The following TANC1 variants were observed in gnomAD, a reference collection of about 807,000 sequenced individuals.
The protein encoded by TANC1 is tetratricopeptide repeat, ankyrin repeat and coiled-coil containing 1.
Under a neutral mutation model 149.7 loss-of-function variants are expected in TANC1, and 77 were observed. The ratio of observed to expected loss-of-function variants is 0.51; its 90% CI spans 0.43 to 0.62. The LOEUF (loss-of-function observed/expected upper bound fraction) is 0.62, where lower values mean the gene tolerates loss of function less well. TANC1 is among the 20% of genes least tolerant of loss of function. The pLI, the probability that TANC1 is intolerant of heterozygous loss-of-function variation, is 0.00. For missense variants in TANC1, 1,985 were observed against 2,321.8 expected (o/e 0.85, Z 2.98); for synonymous variants, 854 against 925.0 (o/e 0.92, Z 1.39).
At chr2:158,992,683 T>G in intron 1 of TANC1, among the ~76,000 whole-genome samples, 1 of 88,996 alleles carries the variant, frequency 1.1e-5, no homozygotes, top group African/African-American at 3.7e-5. Flanking sequence ...TTTTTTTTTT[T>G]TTTTTTTTTT....
At chr2:159,128,042 A>T (rs1448951974) in intron 4 of TANC1, among the ~76,000 whole-genome samples, 1 of 152,246 alleles carries the variant, frequency 6.6e-6, no homozygotes, top group African/African-American at 2.4e-5. Flanking sequence ...AGGCTTATTA[A>T]GAGTGGTGTT....
intron 2 of TANC1, among the ~76,000 whole-genome samples, chr2:159,037,137 C>CT (rs2040254600): frequency 6.6e-6 from 1 of 152,122 alleles, no homozygotes; most frequent in Admixed American, 6.5e-5. Flanking sequence ...TTTCATGTGT[C>CT]TGTTGGCTGC....
chr2:158,995,485 A>G (rs974087866), intron 1 of TANC1, among the ~76,000 whole-genome samples: 1 of 152,180 alleles, frequency 6.6e-6, no homozygotes, highest in East Asian at 1.9e-4. Flanking sequence ...ACCAGATCCC[A>G]TTAGGCAATC....
chr2:159,099,047 C>T (rs1392388661), intron 4 of TANC1, among the ~76,000 whole-genome samples: 2 of 152,100 alleles, frequency 1.3e-5, no homozygotes, highest in Non-Finnish European at 2.9e-5. Context: ...TTTAGTAGAT[C>T]TTTGAGGTTT....
At chr2:159,162,522 T>C (rs977906105) in intron 7 of TANC1, among the ~76,000 whole-genome samples, 1 of 152,154 alleles carries the variant, frequency 6.6e-6, no homozygotes, top group Non-Finnish European at 1.5e-5. Flanking sequence ...GTAGGGTGAG[T>C]ATTGCTTCGC....
chr2:159,111,233 G>A (rs1252764656), intron 4 of TANC1, among the ~76,000 whole-genome samples: 2 of 152,226 alleles, frequency 1.3e-5, no homozygotes, highest in Non-Finnish European at 2.9e-5. Context: ...ATGAGAGCCT[G>A]TGATTCATGA....
intron 4 of TANC1, among the ~76,000 whole-genome samples, chr2:159,124,593 T>TAAGG (rs2049198832): frequency 6.6e-6 from 1 of 152,182 alleles, no homozygotes; most frequent in Non-Finnish European, 1.5e-5. Flanking sequence ...AAGGCCTACT[T>TAAGG]CCTGAGTTCC....
chr2:159,080,804 G>C (rs950454301), intron 3 of TANC1, among the ~76,000 whole-genome samples: 55 of 152,176 alleles, frequency 3.6e-4, no homozygotes, highest in African/African-American at 1.3e-3. Context: ...TCTGTGTACA[G>C]CCCGGCTCCT....
At chr2:159,019,133 T>A (rs1242886807) in intron 2 of TANC1, among the ~76,000 whole-genome samples, 1 of 152,200 alleles carries the variant, frequency 6.6e-6, no homozygotes, top group African/African-American at 2.4e-5. Flanking sequence ...GATACAGGCA[T>A]GGCTGGTGTG....
chr2:159,195,722 C>T (rs527546407), intron 17 of TANC1, among the ~76,000 whole-genome samples: 12 of 152,286 alleles, frequency 7.9e-5, no homozygotes, highest in East Asian at 1.9e-4. Flanking sequence ...TGCACATCAC[C>T]GCACCTCCAT....
At chr2:159,135,491 G>A (rs1014323276) in intron 4 of TANC1, among the ~76,000 whole-genome samples, 5 of 152,368 alleles carry the variant, frequency 3.3e-5, no homozygotes, top group Admixed American at 6.5e-5. Context: ...TTTCCAAAAC[G>A]GCTGCATCAT....
At chr2:159,105,291 G>C (rs1221284849) in intron 4 of TANC1, among the ~76,000 whole-genome samples, 1 of 150,576 alleles carries the variant, frequency 6.6e-6, no homozygotes, top group Non-Finnish European at 1.5e-5. Flanking sequence ...ACCCCGCCCG[G>C]CCAGATACTT....
At chr2:159,067,878 A>G (rs1017137845) in intron 3 of TANC1, among the ~76,000 whole-genome samples, 2 of 152,222 alleles carry the variant, frequency 1.3e-5, no homozygotes, top group Admixed American at 6.5e-5. Flanking sequence ...GACACACCAG[A>G]CAGGAACATA....
At chr2:159,008,211 A>T (rs183755283) in intron 2 of TANC1, among the ~76,000 whole-genome samples, 38 of 152,332 alleles carry the variant, frequency 2.5e-4, no homozygotes, top group Admixed American at 7.2e-4. Context: ...GCTGTTGCAA[A>T]CTATGCAAGC....
intron 5 of TANC1, among the ~76,000 whole-genome samples, chr2:159,137,144 C>T (rs972702079): frequency 2.0e-5 from 3 of 152,166 alleles, no homozygotes; most frequent in African/African-American, 7.2e-5. Context: ...CATATTTTTA[C>T]TTTGGCATAT....
intron 2 of TANC1, among the ~76,000 whole-genome samples, chr2:159,024,515 C>A (rs1359070815): frequency 6.6e-6 from 1 of 152,160 alleles, no homozygotes; most frequent in Non-Finnish European, 1.5e-5. Context: ...CTTTGGGAGG[C>A]TGAGGCAGGC....
In TANC1 at chr2:159,136,047, T is replaced by TGTGTGTGTGCGCGC. The variant is rs1457762905; in HGVS notation, c.260-144_260-143insTGTGTGCGCGCGTG. 9.0e-5 allele frequency: 19 copies of TGTGTGTGTGCGCGC among 211,278 alleles called. 1 individual carries two copies. The highest frequency in any genetic ancestry group is 3.2e-4 in the African/African-American group (9 of 27,998). The allele number at this position is 211,278 out of a possible 1,614,324, so 13.1% of individuals were successfully genotyped here. On this transcript the variant is annotated intron_variant, in intron 4 of 26. Transcript: ENST00000263635. ...GTGTGTGTGTGTGTGTGTGTGTGTG[T>TGTGTGTGTGCGCGC]GTGCGCGCGCGCGCGTTTAAGGGAG...
At chr2:158,994,744 C>T (rs2035983256) in intron 1 of TANC1, among the ~76,000 whole-genome samples, 1 of 152,172 alleles carries the variant, frequency 6.6e-6, no homozygotes, top group Non-Finnish European at 1.5e-5. Flanking sequence ...TATTGTAATA[C>T]TATTTTGCCA....
chr2:159,049,594 T>TTTCAGC (rs1280952348), intron 2 of TANC1, among the ~76,000 whole-genome samples: 1 of 152,052 alleles, frequency 6.6e-6, no homozygotes, highest in Non-Finnish European at 1.5e-5. Flanking sequence ...ACGTTACAGG[T>TTTCAGC]TTCAGCCTGA....
Sources: gnomAD v4.1 joint callset for allele counts (sites outside exome capture counted in the v4.1 genomes callset) on GRCh38, gnomAD v4.1.1 for gene constraint, MANE v1.5 for transcripts, NCBI Gene and HGNC (gene_info 2026-07-23, HGNC 2026-07-21) for gene names.